The following ERG variants were observed in gnomAD, a reference collection of about 807,000 sequenced individuals.
ERG encodes the protein ETS transcription factor ERG.
Under a neutral mutation model 55.3 loss-of-function variants are expected in ERG, and 9 were observed. The ratio of observed to expected loss-of-function variants is 0.16; its 90% CI spans 0.10 to 0.28. ERG has a LOEUF of 0.28. Ranked by LOEUF, ERG falls within the 10% of genes least tolerant of loss-of-function variation. The probability of loss-of-function intolerance (pLI) is 1.00; values close to 1 mark genes in which losing one functional copy is unlikely to be tolerated. For missense variants in ERG, 434 were observed against 631.6 expected, an observed-to-expected ratio of 0.69 and a Z score of 3.35; for synonymous variants, 223 against 237.3, an observed-to-expected ratio of 0.94 and a Z score of 0.55.
At chr21:38,447,855 C>T (rs2058906251) in intron 1 of ERG, among the ~76,000 whole-genome samples, 1 of 151,994 alleles carries the variant, frequency 6.6e-6, no homozygotes, top group African/African-American at 2.4e-5. Flanking sequence ...TTAGCTTTGG[C>T]TCACCCATGA....
intron 1 of ERG, among the ~76,000 whole-genome samples, chr21:38,597,455 A>T (rs2060137970): frequency 6.8e-6 from 1 of 146,500 alleles, no homozygotes; most frequent in Admixed American, 7.0e-5. Flanking sequence ...AAATATAGAG[A>T]GATATCTATA....
At chr21:38,501,061 CTTTTTTTTTTTTTT>C (rs34639260), upstream of ERG, among the ~76,000 whole-genome samples, 4 of 81,186 alleles carry the variant, frequency 4.9e-5, 1 homozygote, top group Non-Finnish European at 9.1e-5. Context: ...CAAGGCACAT[CTTTTTTTTTTTTTT>C]TTTTTTTTTT....
intron 2 of ERG, among the ~76,000 whole-genome samples, chr21:38,436,713 T>C (rs989523735): frequency 2.0e-5 from 3 of 152,194 alleles, no homozygotes; most frequent in Non-Finnish European, 4.4e-5. Flanking sequence ...TTTAGAAATA[T>C]GGGTTAATAT....
intron 6 of ERG, among the ~76,000 whole-genome samples, chr21:38,398,906 A>C (rs1316166434): frequency 6.6e-6 from 1 of 152,254 alleles, no homozygotes; most frequent in Non-Finnish European, 1.5e-5. Flanking sequence ...AACATAAACA[A>C]ACAAATACAA....
chr21:38,498,600 C>A, upstream of ERG: 2 of 920,476 alleles, frequency 2.2e-6, no homozygotes, highest in Non-Finnish European at 1.4e-6. This position sits in a 1 kb window ranked among gnomAD's most constrained non-coding sequence, Gnocchi z 4.6. Flanking sequence ...ACCCTGAAAA[C>A]AATGTTGTTT....
chr21:38,503,044 C>CA (rs956490458), upstream of ERG, among the ~76,000 whole-genome samples: 1 of 151,724 alleles, frequency 6.6e-6, no homozygotes, highest in Non-Finnish European at 1.5e-5. Context: ...TTGTAATAGT[C>CA]AAAAAATAAA....
Position 38,434,325 on chromosome 21 carries a change from T to A in ERG, c.237-10764A>T, listed in dbSNP as rs539365845. ...CCACATCACCCCCTAGTCTCTTCCC[T>A]TCAGGCCTTCACTTTTGCTACTCCC... On this transcript the variant is annotated intron_variant, in intron 2 of 9. Coordinates refer to ENST00000288319, the MANE Select transcript of ERG (RefSeq NM_182918.4). 4.6e-5 allele frequency among the ~76,000 whole-genome samples: 7 copies of A among 152,266 alleles called. No homozygotes were observed. The South Asian group carries it at 1.5e-3, about 32-fold the overall frequency.
rs568008177 is a variant in ERG, at chr21:38,608,089, T to C, written c.-149-23144A>G. Among the ~76,000 whole-genome samples the C allele has an allele frequency of 7.2e-5, 11 of 152,364 alleles. No individual in the cohort carries two copies. The South Asian group carries it at 2.3e-3, about 32-fold the overall frequency. On this transcript the variant is annotated intron_variant, in intron 1 of 10. Transcript: ENST00000398910. ...CAGTAACAACTACAAATATATTTTG[T>C]ATATATTGTAATTTACACAATATAT... is the stretch of plus-strand genomic sequence containing the variant.
At chr21:38,401,441 G>A (rs1386166485) in intron 5 of ERG, among the ~76,000 whole-genome samples, 1 of 152,152 alleles carries the variant, frequency 6.6e-6, no homozygotes, top group Non-Finnish European at 1.5e-5. Flanking sequence ...TTGAAAAAGT[G>A]TACTACCAAC....
intron 6 of ERG, among the ~76,000 whole-genome samples, chr21:38,394,289 T>G (rs59205385): frequency 0.02 from 3,072 of 152,216 alleles, 94 homozygotes; most frequent in African/African-American, 0.069. Flanking sequence ...CAATACCTGG[T>G]AGCTTGCTAG....
At chr21:38,649,987 C>T (rs1470053621) in intron 1 of ERG, among the ~76,000 whole-genome samples, 1 of 152,190 alleles carries the variant, frequency 6.6e-6, no homozygotes, top group Non-Finnish European at 1.5e-5. Context: ...CACAATATTC[C>T]TTCTCCTTCA....
upstream of ERG, chr21:38,502,614 G>C (rs2059429108): frequency 6.5e-6 from 1 of 152,752 alleles, no homozygotes; most frequent in Non-Finnish European, 1.5e-5. Context: ...ACTTTGGAAT[G>C]AGTATAAATA....
chr21:38,448,626 G>C (rs1285489837), intron 1 of ERG, among the ~76,000 whole-genome samples: 2 of 152,118 alleles, frequency 1.3e-5, no homozygotes, highest in Non-Finnish European at 2.9e-5. Flanking sequence ...AAGCTGAGGG[G>C]TTTTCACAGA....
intron 1 of ERG, among the ~76,000 whole-genome samples, chr21:38,578,092 G>A (rs2060005900): frequency 6.7e-6 from 1 of 150,314 alleles, no homozygotes; most frequent in African/African-American, 2.5e-5. Flanking sequence ...CAGCACCAAC[G>A]CCAGGCCCGG....
chr21:38,418,747 C>T (rs1368110291), intron 3 of ERG, among the ~76,000 whole-genome samples: 2 of 151,320 alleles, frequency 1.3e-5, no homozygotes, highest in Non-Finnish European at 2.9e-5. Context: ...GCAAACATGG[C>T]GAAACCCCAT....
chr21:38,612,807 G>A (rs1008395233), intron 1 of ERG, among the ~76,000 whole-genome samples: 13 of 152,050 alleles, frequency 8.5e-5, no homozygotes, highest in African/African-American at 2.9e-4. Flanking sequence ...GGGACTACAG[G>A]CGCCTGCCAC....
intron 2 of ERG, among the ~76,000 whole-genome samples, chr21:38,554,789 G>C (rs1369760134): frequency 2.7e-5 from 4 of 150,784 alleles, no homozygotes; most frequent in Non-Finnish European, 5.9e-5. Flanking sequence ...ATTTACCCAC[G>C]TAACAAACGT....
chr21:38,402,693 AAG>A (rs1349378996), intron 4 of ERG, 56 bp from the exon 5 acceptor site: 2 of 983,306 alleles, frequency 2.0e-6, no homozygotes, highest in Non-Finnish European at 2.9e-6. Flanking sequence ...GAGAGAGAGA[AAG>A]AGAATTACCT....
intron 2 of ERG, among the ~76,000 whole-genome samples, chr21:38,540,095 A>G (rs2059741741): frequency 6.6e-6 from 1 of 151,696 alleles, no homozygotes; most frequent in Non-Finnish European, 1.5e-5. Context: ...GGGGTTTCAC[A>G]ATGTTGGCCA....
Sources: gnomAD v4.1 joint callset for allele counts (sites outside exome capture counted in the v4.1 genomes callset) on GRCh38, gnomAD v4.1.1 for gene constraint, Gnocchi (gnomAD v3.1) non-coding constraint, MANE v1.5 for transcripts, NCBI Gene and HGNC (gene_info 2026-07-23, HGNC 2026-07-21) for gene names.